The following ELF2 variants were observed in gnomAD, a reference collection of about 807,000 sequenced individuals.
ELF2 encodes the protein E74 like ETS transcription factor 2, also known as ETS-related transcription factor Elf-2.
A neutral mutation model predicts 54.8 loss-of-function variants in ELF2; 11 were observed. The observed-to-expected ratio is 0.20, with a 90% CI of 0.13 to 0.33. The LOEUF is 0.33. Among genes scored for constraint, ELF2 ranks in the 10% least tolerant of loss-of-function variants. The pLI, the probability that ELF2 is intolerant of heterozygous loss-of-function variation, is 1.00. For synonymous variants in ELF2, 203 were observed against 245.1 expected, an observed-to-expected ratio of 0.83 and a Z score of 1.61; for missense variants, 513 against 703.0, an observed-to-expected ratio of 0.73 and a Z score of 3.06.
chr4:139,132,866 ATATATAT>A (rs1428316939), intron 3 of ELF2, among the ~76,000 whole-genome samples: 22,869 of 141,466 alleles, frequency 0.16, 2,061 homozygotes, highest in Middle Eastern at 0.29. Flanking sequence ...ATATATATAT[ATATATAT>A]AAAATATGTA....
At chr4:139,173,153 G>C (rs1742495847) in intron 1 of ELF2, among the ~76,000 whole-genome samples, 1 of 152,152 alleles carries the variant, frequency 6.6e-6, no homozygotes, top group African/African-American at 2.4e-5. Context: ...ACAGGCTGGA[G>C]GGAATTTTGG....
Position 139,137,713 on chromosome 4 carries a change from G to A in ELF2, c.-12C>T, listed in dbSNP as rs764546047. 1.4e-5 allele frequency: 23 copies of A among 1,613,618 alleles called. No individual in the cohort carries two copies. Among genetic ancestry groups the A allele is most frequent in the Non-Finnish European group, 1.9e-5 (22 of 1,179,950 alleles). On this transcript the variant is annotated 5_prime_UTR_variant, in exon 3 of 10. Coordinates refer to ENST00000686138, the MANE Select transcript of ELF2 (RefSeq NM_001331036.3). ...ACTGCTGATGTCATTGTTATTCCCT[G>A]AGGAAGCTTCAAACGCTATTAATCA...
chr4:139,101,285 G>A (rs965276293), intron 4 of ELF2, among the ~76,000 whole-genome samples: 15 of 152,050 alleles, frequency 9.9e-5, no homozygotes, highest in African/African-American at 3.6e-4. Context: ...TCTTGCTCTA[G>A]TTCACATAAA....
rs763967218 is a variant in ELF2, at chr4:139,060,470, A to C, written c.1011T>G (p.Val337=). ...TAGGGGATGAATTTTTTCCACTGCG[A>C]ACAGAGGATGCTGCTTTCAGGAGAC... is the stretch of plus-strand genomic sequence containing the variant. ...AESLLKAASS[V]RSGKNSSPIN... The change falls in exon 9 of 10, where the codon GTT becomes GTG. Residue 337 remains valine, a synonymous_variant. Coordinates refer to ENST00000686138, the MANE Select transcript of ELF2 (RefSeq NM_001331036.3). 6.8e-6 allele frequency: 11 copies of C among 1,614,088 alleles called. No individual in the cohort carries two copies. In the Admixed American group the frequency reaches 1.0e-4, roughly 15 times the overall value.
At chr4:139,147,506 C>G (rs957148318) in intron 1 of ELF2, among the ~76,000 whole-genome samples, 2 of 152,206 alleles carry the variant, frequency 1.3e-5, no homozygotes, top group African/African-American at 4.8e-5. Context: ...GTGTCTCACT[C>G]TGTCGCCTAG....
intron 6 of ELF2, among the ~76,000 whole-genome samples, chr4:139,071,449 T>A (rs1265288097): frequency 4.6e-5 from 7 of 151,966 alleles, no homozygotes; most frequent in Admixed American, 3.9e-4. Context: ...CCTGGCTTTT[T>A]AAAAAATATC....
intron 4 of ELF2, chr4:139,102,245 G>T (rs1022366189): frequency 6.6e-6 from 1 of 151,982 alleles, no homozygotes; most frequent in African/African-American, 2.4e-5. Context: ...TATCAGGGCC[G>T]GGCGCAGTGG....
At chr4:139,150,842 GA>G (rs1403662889) in intron 1 of ELF2, among the ~76,000 whole-genome samples, 1 of 151,868 alleles carries the variant, frequency 6.6e-6, no homozygotes, top group Admixed American at 6.6e-5. Context: ...CTAACACGGT[GA>G]AACCCGTCTC....
chr4:139,175,647 A>G (rs1742830420), intron 1 of ELF2, among the ~76,000 whole-genome samples: 1 of 152,232 alleles, frequency 6.6e-6, no homozygotes, highest in South Asian at 2.1e-4. Flanking sequence ...AAGAAAGTGC[A>G]TAATTTACTT....
chr4:139,069,578 T>C (rs374122700), intron 6 of ELF2, among the ~76,000 whole-genome samples: 5 of 152,212 alleles, frequency 3.3e-5, no homozygotes, highest in African/African-American at 7.2e-5. Context: ...GTCATGTTCC[T>C]TGATAAATTT....
intron 4 of ELF2, among the ~76,000 whole-genome samples, chr4:139,076,974 T>C (rs900426651): frequency 9.2e-5 from 14 of 152,174 alleles, no homozygotes; most frequent in African/African-American, 2.4e-4. Context: ...CAACATAAAA[T>C]ATGCATAAAT....
At chr4:139,072,602 T>C (rs1273889965) in intron 5 of ELF2, among the ~76,000 whole-genome samples, 1 of 152,218 alleles carries the variant, frequency 6.6e-6, no homozygotes, top group African/African-American at 2.4e-5. Context: ...GTAACAGTCC[T>C]GATGTTTTAG....
In ELF2 at chr4:139,137,773, T is replaced by C. The variant is rs529610430; in HGVS notation, c.-72A>G. The C allele has an allele frequency of 1.1e-4, 178 of 1,592,006 alleles. No homozygotes were observed. The African/African-American group carries it at 1.9e-3, about 17-fold the overall frequency. ...AAGGTTCACTGATGGTTGCCAGTGTTATAGGTTTGCATTATCATGTTTTAA... is the reference window on the plus strand; with the variant it reads ...AAGGTTCACTGATGGTTGCCAGTGTCATAGGTTTGCATTATCATGTTTTAA... On this transcript the variant is annotated 5_prime_UTR_variant, in exon 3 of 10. It adds an upstream start codon to the 5' untranslated region. Coordinates refer to ENST00000686138, the MANE Select transcript of ELF2 (RefSeq NM_001331036.3).
At position 139,139,581 on chromosome 4, in the gene ELF2, A is replaced by G. The variant is rs1738507085; in HGVS notation, c.-251-84T>C. The G allele has an allele frequency of 7.6e-6, 5 of 661,824 alleles. No individual in the cohort carries two copies. The South Asian group carries it at 3.9e-4, about 52-fold the overall frequency. 41.0% of individuals were successfully genotyped at this position (661,824 alleles called of 1,614,324 possible). A position where few individuals can be genotyped will look rare whatever the true frequency, so the allele number is the denominator to read the frequency against. ...CTCAAACAGATGTGATTGAGATAGTAAATACTTAATAAAACAAATCACTTC... is the reference window on the plus strand; with the variant it reads ...CTCAAACAGATGTGATTGAGATAGTGAATACTTAATAAAACAAATCACTTC... On this transcript the variant is annotated intron_variant, in intron 1 of 9. Coordinates refer to ENST00000686138, the MANE Select transcript of ELF2 (RefSeq NM_001331036.3).
chr4:139,084,438 G>GGGCGGCGGCAGGGGCAGGGGC (rs1731705792), intron 4 of ELF2: 3 of 1,118,152 alleles, frequency 2.7e-6, no homozygotes, highest in South Asian at 7.3e-5. Context: ...GCAGGGGCAG[G>GGGCGGCGGCAGGGGCAGGGGC]GGCGGCGGCG....
intron 1 of ELF2, among the ~76,000 whole-genome samples, chr4:139,141,002 AC>A (rs1738646368): frequency 6.6e-6 from 1 of 152,028 alleles, no homozygotes; most frequent in Non-Finnish European, 1.5e-5. Context: ...TCTTCATAGG[AC>A]TTGCTGCCTC....
chr4:139,079,690 T>A (rs1408667273), intron 4 of ELF2, among the ~76,000 whole-genome samples: 1 of 152,302 alleles, frequency 6.6e-6, no homozygotes, highest in East Asian at 1.9e-4. Context: ...GGCAGGTGGA[T>A]CACCTGAGGT....
chr4:139,169,819 T>G (rs1168157476), intron 1 of ELF2, among the ~76,000 whole-genome samples: 1 of 145,712 alleles, frequency 6.9e-6, no homozygotes, highest in East Asian at 2.0e-4. Context: ...ATCTCGCCAC[T>G]GCACTCCAGC....
intron 1 of ELF2, among the ~76,000 whole-genome samples, chr4:139,141,630 C>CA (rs986066968): frequency 6.6e-6 from 1 of 152,200 alleles, no homozygotes; most frequent in Admixed American, 6.5e-5. Context: ...CTTGGCCCCC[C>CA]ACAAAGTCTT....
Sources: gnomAD v4.1 joint callset for allele counts (sites outside exome capture counted in the v4.1 genomes callset) on GRCh38, gnomAD v4.1.1 for gene constraint, MANE v1.5 for transcripts, NCBI Gene and HGNC (gene_info 2026-07-23, HGNC 2026-07-21) for gene names.